Variants in FNDC7 observed in about 807,000 individuals in gnomAD.
FNDC7 encodes fibronectin type III domain containing 7, also known as fibronectin type III domain-containing protein 7.
FNDC7 carries 66 observed loss-of-function variants against 74.2 expected under a neutral mutation model. That is an observed-to-expected ratio of 0.89 (90% CI 0.73 to 1.09). FNDC7 has a LOEUF of 1.09. Ranked by LOEUF, FNDC7 falls within the 50% of genes least tolerant of loss-of-function variation. FNDC7 has a pLI of 0.00. For missense variants in FNDC7, 829 were observed against 893.4 expected (o/e 0.93, Z 0.92); for synonymous variants, 307 against 330.2 (o/e 0.93, Z 0.76).
In FNDC7 at chr1:108,741,833, C is replaced by T; in HGVS notation, c.*29C>T. On this transcript the variant is annotated 3_prime_UTR_variant, in exon 12 of 13. Transcript: ENST00000370017. ...AGTGAGCCCCAGATAAAAACAAAAA[C>T]TTGACCAAGTGAGTAACGTAAATTG... 1 of 1,610,910 alleles carries T rather than the reference C, an allele frequency of 6.2e-7. No individual in the cohort carries two copies. Among genetic ancestry groups the T allele is most frequent in the Non-Finnish European group, 8.5e-7 (1 of 1,177,842 alleles).
rs1661444664 is a variant in FNDC7 at position 108,733,531 on chromosome 1, A to G, written c.2139A>G (p.Ser713=). The G allele has an allele frequency of 6.2e-7, 1 of 1,611,348 alleles. No individual in the cohort carries two copies. Among genetic ancestry groups the G allele is most frequent in the Non-Finnish European group, 8.5e-7 (1 of 1,177,728 alleles). ...KLTFCPKKIY[S]VTCSGSTLGM... is the part of the protein sequence containing the mutation. Reference sequence around the variant, plus strand: ...CTTTCTGTCCAAAAAAAATATATTCAGGTAAAGCAAGTTATGACAGTTTAT... The same window carrying G: ...CTTTCTGTCCAAAAAAAATATATTCGGGTAAAGCAAGTTATGACAGTTTAT... Residue 713 remains serine (S), a splice_region_variant and synonymous_variant, in exon 10 of 13, where the codon TCA becomes TCG. Transcript: ENST00000370017.
intron 2 of FNDC7, among the ~76,000 whole-genome samples, chr1:108,717,449 TTCTC>T (rs34988228): frequency 6.6e-6 from 1 of 151,774 alleles, no homozygotes; most frequent in Non-Finnish European, 1.5e-5. Context: ...CTCTCAATTA[TTCTC>T]TCTCTCTTCC....
Position 108,728,159 on chromosome 1 carries a change from G to A in FNDC7, c.1369+94G>A. The A allele has an allele frequency of 2.1e-6, 3 of 1,441,702 alleles. No homozygotes were observed. In the South Asian group the frequency reaches 3.9e-5, roughly 19 times the overall value. The allele number at this position is 1,441,702 out of a possible 1,614,324, so 89.3% of individuals were successfully genotyped here. On this transcript the variant is annotated intron_variant, in intron 7 of 12. Transcript: ENST00000370017. ...GGCATTCAGTGAGACCAATAAAAAGGTTAAATCCCATTAATCAATCTTTGT... is the reference window on the plus strand; with the variant it reads ...GGCATTCAGTGAGACCAATAAAAAGATTAAATCCCATTAATCAATCTTTGT...
chr1:108,735,682 T>C (rs562091180), intron 10 of FNDC7, among the ~76,000 whole-genome samples: 13 of 152,372 alleles, frequency 8.5e-5, no homozygotes, highest in African/African-American at 2.9e-4. Flanking sequence ...TTTTTCATAC[T>C]GTCTTTGAAA....
intron 4 of FNDC7, 86 bp from the exon 5 acceptor site, chr1:108,722,248 TC>T: frequency 7.6e-7 from 1 of 1,313,936 alleles, no homozygotes; most frequent in South Asian, 1.6e-5. Flanking sequence ...GGGTACCTTA[TC>T]CTCCAGGCTC....
chr1:108,732,150 G>A (rs1661370409), intron 9 of FNDC7, among the ~76,000 whole-genome samples: 1 of 152,184 alleles, frequency 6.6e-6, no homozygotes, highest in Admixed American at 6.5e-5. Context: ...ACGAGGTCAG[G>A]AGATCAAGAC....
At chr1:108,740,164 C>T (rs1026121021) in intron 11 of FNDC7, among the ~76,000 whole-genome samples, 1 of 151,790 alleles carries the variant, frequency 6.6e-6, no homozygotes, top group Non-Finnish European at 1.5e-5. Flanking sequence ...TCAATTTCAG[C>T]ATTTCCCCTC....
intron 5 of FNDC7, among the ~76,000 whole-genome samples, chr1:108,724,891 G>A (rs1661173715): frequency 6.6e-6 from 1 of 151,922 alleles, no homozygotes; most frequent in African/African-American, 2.4e-5. Flanking sequence ...GACCAGCCTG[G>A]CCAACATGGT....
chr1:108,732,719 C>T (rs1229131220), intron 9 of FNDC7, among the ~76,000 whole-genome samples: 3 of 151,346 alleles, frequency 2.0e-5, no homozygotes, highest in Non-Finnish European at 2.9e-5. Flanking sequence ...TCTTTCCCTC[C>T]CTCCCTCTCT....
At chr1:108,718,752 T>G in intron 3 of FNDC7, 37 bp from the exon 4 acceptor site, 2 of 1,544,784 alleles carry the variant, frequency 1.3e-6, no homozygotes, top group East Asian at 4.9e-5. Context: ...TCTATTGGAC[T>G]TTGGTAACAC....
At chr1:108,740,555 T>C (rs1661619986) in intron 11 of FNDC7, among the ~76,000 whole-genome samples, 1 of 152,106 alleles carries the variant, frequency 6.6e-6, no homozygotes, top group Admixed American at 6.5e-5. Flanking sequence ...CTTGAACTCC[T>C]AGACTCATGC....
In FNDC7 at chr1:108,730,895, A is replaced by G. The variant is rs2101086559; in HGVS notation, c.1846A>G (p.Thr616Ala). 1 of 1,613,354 alleles carries G rather than the reference A, an allele frequency of 6.2e-7. No homozygotes were observed. The highest frequency in any genetic ancestry group is 8.5e-7 in the Non-Finnish European group (1 of 1,179,568). Residue 616 changes from threonine to alanine, a missense_variant, in exon 9 of 13, where the codon ACT becomes GCT. By Grantham distance (58) the Thr-to-Ala change is moderately conservative. Transcript: ENST00000370017. ...TLKAISATGL[T>A]ADCSYQSYFS... ...AAAAGCAATTAGTGCCACCGGGTTGACTGCAGATTGCTCCTACCAAAGTTA... is the reference window on the plus strand; with the variant it reads ...AAAAGCAATTAGTGCCACCGGGTTGGCTGCAGATTGCTCCTACCAAAGTTA...
At chr1:108,737,017 G>A (rs1359191953) in intron 10 of FNDC7, among the ~76,000 whole-genome samples, 1 of 142,288 alleles carries the variant, frequency 7.0e-6, no homozygotes, top group African/African-American at 2.7e-5. Context: ...ACCCAGGCTG[G>A]AGTGCAATGG....
intron 4 of FNDC7, among the ~76,000 whole-genome samples, chr1:108,719,255 C>T (rs1030310570): frequency 6.6e-6 from 1 of 152,204 alleles, no homozygotes; most frequent in Non-Finnish European, 1.5e-5. Flanking sequence ...AGAAATGCTA[C>T]TCAGAATGCA....
At position 108,728,896 on chromosome 1, in the gene FNDC7, A is replaced by G; in HGVS notation, c.1624+10A>G. On this transcript the variant is annotated intron_variant, in intron 8 of 12. Transcript: ENST00000370017. ...GTGCCCCTGGAAACAGGTATGTAGCAACCACCAGCCTGAATGTTGACTTCA... is the reference window on the plus strand; with the variant it reads ...GTGCCCCTGGAAACAGGTATGTAGCGACCACCAGCCTGAATGTTGACTTCA... The G allele has an allele frequency of 6.2e-6, 10 of 1,610,400 alleles. No individual in the cohort carries two copies. The highest frequency in any genetic ancestry group is 7.6e-6 in the Non-Finnish European group (9 of 1,177,206).
chr1:108,728,595 C>T (rs763699173), intron 7 of FNDC7, 37 bp from the exon 8 acceptor site: 65 of 1,608,246 alleles, frequency 4.0e-5, no homozygotes, highest in Non-Finnish European at 4.7e-5. Context: ...ATATTTTTGA[C>T]TCATGCTGGT....
At chr1:108,735,539 C>G (rs556582837) in intron 10 of FNDC7, among the ~76,000 whole-genome samples, 1 of 152,038 alleles carries the variant, frequency 6.6e-6, no homozygotes, top group African/African-American at 2.4e-5. Flanking sequence ...ATTAAATTTT[C>G]TAGTAGCCAT....
In FNDC7 at chr1:108,741,855, A is replaced by G; in HGVS notation, c.*37+14A>G. 1.9e-6 allele frequency: 3 copies of G among 1,587,686 alleles called. No homozygotes were observed. Among genetic ancestry groups the G allele is most frequent in the Non-Finnish European group, 2.6e-6 (3 of 1,160,506 alleles). ...AAACTTGACCAAGTGAGTAACGTAAATTGATTTTGTGTGATTTTATGGCAA... is the reference window on the plus strand; with the variant it reads ...AAACTTGACCAAGTGAGTAACGTAAGTTGATTTTGTGTGATTTTATGGCAA... On this transcript the variant is annotated intron_variant, in intron 12 of 12. Transcript: ENST00000370017.
chr1:108,717,384 CA>C (rs1660996841), intron 2 of FNDC7, among the ~76,000 whole-genome samples: 1 of 152,180 alleles, frequency 6.6e-6, no homozygotes, highest in African/African-American at 2.4e-5. Flanking sequence ...AATGGCAAAG[CA>C]GCCTGCAAAA....
Sources: allele counts gnomAD v4.1 joint callset (sites outside exome capture counted in the v4.1 genomes callset), GRCh38; gene constraint gnomAD v4.1.1; transcripts MANE v1.5; gene names NCBI Gene and HGNC (gene_info 2026-07-23, HGNC 2026-07-21).